Variants in TASP1 observed in about 807,000 individuals in gnomAD.
TASP1 encodes threonine aspartase 1.
Under a neutral mutation model 56.6 loss-of-function variants are expected in TASP1, and 16 were observed. The ratio of observed to expected loss-of-function variants is 0.28; its 90% CI spans 0.19 to 0.43. The LOEUF is 0.43. TASP1 is among the 20% of genes least tolerant of loss of function. The probability of loss-of-function intolerance (pLI) is 1.00; values close to 1 mark genes in which losing one functional copy is unlikely to be tolerated. For missense variants in TASP1, 393 were observed against 511.6 expected, an observed-to-expected ratio of 0.77 and a Z score of 2.24; for synonymous variants, 179 against 184.2, an observed-to-expected ratio of 0.97 and a Z score of 0.23.
intron 13 of TASP1, among the ~76,000 whole-genome samples, chr20:13,394,307 C>CAAAAAAAAAAAAAAAAAAA (rs57418361): frequency 7.0e-5 from 3 of 42,948 alleles, no homozygotes; most frequent in African/African-American, 2.8e-4. Flanking sequence ...CACTCCCTCT[C>CAAAAAAAAAAAAAAAAAAA]AAAAAAAAAA....
At chr20:13,223,156 CA>C in the TASP1 span, among the ~76,000 whole-genome samples, 32 of 120,162 alleles carry the variant, frequency 2.7e-4, no homozygotes, top group East Asian at 1.3e-3. Flanking sequence ...GACTCCGTCT[CA>C]AAAAAAAAAT....
intron 13 of TASP1, 83 bp downstream of exon 13, chr20:13,417,365 A>G: frequency 1.4e-6 from 2 of 1,476,316 alleles, no homozygotes; most frequent in Non-Finnish European, 1.9e-6. Flanking sequence ...AGCTGAAAAA[A>G]TTCATCCACA....
chr20:13,553,909 C>T (rs2046065327), intron 8 of TASP1, among the ~76,000 whole-genome samples: 1 of 152,184 alleles, frequency 6.6e-6, no homozygotes, highest in Non-Finnish European at 1.5e-5. Flanking sequence ...GTAATTATGA[C>T]AACTCACCCA....
rs531694113 is a variant in TASP1 at position 13,451,851 on chromosome 20, C to T, written c.986-16697G>A. Among the ~76,000 whole-genome samples the T allele has an allele frequency of 7.2e-5, 11 of 152,226 alleles. No homozygotes were observed. In the East Asian group the frequency reaches 1.4e-3, roughly 19 times the overall value. ...CTCAGCTTTTGACATGCCTTCCTCACTAACCTTAATCATTTCTAGCTTTTG... is the reference window on the plus strand; with the variant it reads ...CTCAGCTTTTGACATGCCTTCCTCATTAACCTTAATCATTTCTAGCTTTTG... On this transcript the variant is annotated intron_variant, in intron 11 of 13. Coordinates refer to ENST00000337743, the MANE Select transcript of TASP1 (RefSeq NM_017714.3).
the TASP1 span, among the ~76,000 whole-genome samples, chr20:13,214,300 A>G: frequency 6.6e-6 from 1 of 152,078 alleles, no homozygotes; most frequent in Non-Finnish European, 1.5e-5. Flanking sequence ...TTTGCCCCTT[A>G]TTCTATTTAG....
chr20:13,360,515 C>G, the TASP1 span, among the ~76,000 whole-genome samples: 2 of 152,090 alleles, frequency 1.3e-5, no homozygotes, highest in African/African-American at 4.8e-5. Flanking sequence ...AATTCTTACA[C>G]AAGAGCCAGG....
At chr20:13,133,083 C>G in the TASP1 span, 1 of 152,324 alleles carries the variant, frequency 6.6e-6, no homozygotes. Flanking sequence ...AGACTGTCTT[C>G]GTTGTAGAGA....
chr20:13,569,424 A>C, intron 7 of TASP1, 83 bp downstream of exon 7: 1 of 1,036,762 alleles, frequency 9.6e-7, no homozygotes, highest in Non-Finnish European at 1.4e-6. Flanking sequence ...AAATATCTGT[A>C]CTACATGGGT....
chr20:13,280,403 C>CA, the TASP1 span, among the ~76,000 whole-genome samples: 2 of 129,172 alleles, frequency 1.5e-5, no homozygotes, highest in East Asian at 2.6e-4. Flanking sequence ...CCCCCCCCCC[C>CA]AATACATTTC....
chr20:13,438,226 G>A (rs1450713989), intron 11 of TASP1, among the ~76,000 whole-genome samples: 4 of 152,132 alleles, frequency 2.6e-5, no homozygotes, highest in Non-Finnish European at 5.9e-5. Flanking sequence ...AACAAAGCTG[G>A]AGGCATCACG....
chr20:13,481,833 G>C (rs2043150960), intron 11 of TASP1, among the ~76,000 whole-genome samples: 1 of 119,632 alleles, frequency 8.4e-6, no homozygotes. Context: ...TCCCTTGTCA[G>C]ATGGATAGTT....
intron 4 of TASP1, among the ~76,000 whole-genome samples, chr20:13,615,086 A>G (rs573072501): frequency 6.6e-6 from 1 of 152,346 alleles, no homozygotes; most frequent in Admixed American, 6.5e-5. Flanking sequence ...TGGAGAGGAA[A>G]GAGGGATACT....
At chr20:13,590,020 C>T (rs1479081979) in intron 4 of TASP1, among the ~76,000 whole-genome samples, 1 of 151,908 alleles carries the variant, frequency 6.6e-6, no homozygotes, top group Non-Finnish European at 1.5e-5. Flanking sequence ...TCACTTGAGG[C>T]CAGGACTTCA....
At chr20:13,303,510 T>C in the TASP1 span, among the ~76,000 whole-genome samples, 2 of 152,186 alleles carry the variant, frequency 1.3e-5, no homozygotes, top group African/African-American at 4.8e-5. Context: ...GCCTGTTAGG[T>C]AGAGCTCAGG....
chr20:13,322,709 A>C, the TASP1 span, among the ~76,000 whole-genome samples: 2 of 152,200 alleles, frequency 1.3e-5, no homozygotes, highest in Non-Finnish European at 2.9e-5. Flanking sequence ...CAAAGCTTAG[A>C]TTACTTCCTA....
chr20:13,177,887 C>A, the TASP1 span, among the ~76,000 whole-genome samples: 6 of 152,148 alleles, frequency 3.9e-5, no homozygotes, highest in African/African-American at 1.4e-4. Context: ...AAAGCACAGG[C>A]AACAAAAGAA....
chr20:13,161,357 A>G, the TASP1 span, among the ~76,000 whole-genome samples: 2 of 152,166 alleles, frequency 1.3e-5, no homozygotes, highest in Non-Finnish European at 2.9e-5. Flanking sequence ...TATAGAAGAA[A>G]AATAAGGTTC....
chr20:13,524,399 T>C (rs1386383310), intron 10 of TASP1, among the ~76,000 whole-genome samples: 1 of 152,088 alleles, frequency 6.6e-6, no homozygotes, highest in Non-Finnish European at 1.5e-5. Flanking sequence ...TATTTTAAAA[T>C]CCTATTTAAA....
At chr20:13,638,718 G>A (rs1037361453) in intron 1 of TASP1, among the ~76,000 whole-genome samples, 176 bp downstream of exon 1, 1 of 152,200 alleles carries the variant, frequency 6.6e-6, no homozygotes, top group African/African-American at 2.4e-5. Flanking sequence ...CAAGACTAGG[G>A]AACTAGGGAC....
Sources: allele counts gnomAD v4.1 joint callset (sites outside exome capture counted in the v4.1 genomes callset), GRCh38; gene constraint gnomAD v4.1.1; transcripts MANE v1.5; gene names NCBI Gene and HGNC (gene_info 2026-07-23, HGNC 2026-07-21).